RAB27B: variants seen among roughly 807,000 people sequenced by gnomAD.
The protein encoded by RAB27B is ras-related protein Rab-27B.
A neutral mutation model predicts 24.6 loss-of-function variants in RAB27B; 15 were observed. The observed-to-expected ratio is 0.61, with a 90% CI of 0.41 to 0.94. The LOEUF is 0.94. Ranked by LOEUF, RAB27B falls within the 40% of genes least tolerant of loss-of-function variation. RAB27B has a pLI of 0.00. For missense variants in RAB27B, 261 were observed against 266.8 expected (o/e 0.98, Z 0.15); for synonymous variants, 105 against 92.5 (o/e 1.14, Z -0.78).
At chr18:54,801,749 G>T (rs1164398744) in intron 2 of RAB27B, among the ~76,000 whole-genome samples, 1 of 152,198 alleles carries the variant, frequency 6.6e-6, no homozygotes, top group East Asian at 1.9e-4. Context: ...GCCACAGGAG[G>T]AGGACAGTGG....
chr18:54,744,400 A>G (rs943774783), intron 2 of RAB27B, among the ~76,000 whole-genome samples: 3 of 152,226 alleles, frequency 2.0e-5, no homozygotes, highest in Admixed American at 6.5e-5. Context: ...ATAGGTGACT[A>G]TATCTCATCA....
intron 2 of RAB27B, among the ~76,000 whole-genome samples, chr18:54,807,450 A>C (rs1391187794): frequency 6.6e-6 from 1 of 152,202 alleles, no homozygotes; most frequent in East Asian, 1.9e-4. Flanking sequence ...TCTTGTTTTA[A>C]GGACATAATC....
intron 1 of RAB27B, among the ~76,000 whole-genome samples, chr18:54,841,101 A>G (rs1049771106): frequency 7.3e-6 from 1 of 137,380 alleles, no homozygotes; most frequent in South Asian, 2.5e-4. Flanking sequence ...AGCTGAGATC[A>G]CATCATTGCA....
chr18:54,849,074 G>A (rs557539776), intron 1 of RAB27B, among the ~76,000 whole-genome samples: 119 of 152,316 alleles, frequency 7.8e-4, no homozygotes, highest in African/African-American at 2.8e-3. Flanking sequence ...ATTTTTCAAA[G>A]CATGGATTTG....
intron 2 of RAB27B, among the ~76,000 whole-genome samples, chr18:54,743,579 G>A (rs1214122905): frequency 6.6e-6 from 1 of 152,186 alleles, no homozygotes. Context: ...GCGGGAAAAA[G>A]CACCTAAGGC....
chr18:54,791,191 A>G (rs8084795), intron 2 of RAB27B, among the ~76,000 whole-genome samples: 1 of 152,124 alleles, frequency 6.6e-6, no homozygotes, highest in African/African-American at 2.4e-5. Flanking sequence ...ATAGTGATCT[A>G]GAGCATTAAA....
intron 1 of RAB27B, among the ~76,000 whole-genome samples, chr18:54,829,984 C>T (rs1342832980): frequency 6.6e-6 from 1 of 152,164 alleles, no homozygotes; most frequent in African/African-American, 2.4e-5. Flanking sequence ...TTGACTATGG[C>T]CTCTCATACA....
intron 2 of RAB27B, among the ~76,000 whole-genome samples, chr18:54,729,815 C>A (rs1339066901): frequency 6.6e-6 from 1 of 151,982 alleles, no homozygotes; most frequent in Non-Finnish European, 1.5e-5. Context: ...AAATAATCCA[C>A]TTATGTGCTT....
At chr18:54,802,065 C>G (rs1271398472) in intron 2 of RAB27B, among the ~76,000 whole-genome samples, 2 of 152,154 alleles carry the variant, frequency 1.3e-5, no homozygotes, top group Non-Finnish European at 1.5e-5. Context: ...ATGGGATTAT[C>G]TAAGCTACAA....
chr18:54,743,360 G>C lies in RAB27B; in HGVS notation c.-20+25219G>C, dbSNP rs183212892. Among the ~76,000 whole-genome samples, 5 of 152,316 alleles carry C rather than the reference G, an allele frequency of 3.3e-5. 1 individual carries two copies. Among genetic ancestry groups the C allele is most frequent in the Admixed American group, 3.3e-4 (5 of 15,292 alleles). ...GATCCTCTTCTAGGGGCTGATAATA[G>C]AGTTCCTGTTATCTTGGAGCTCCAG... On this transcript the variant is annotated intron_variant, in intron 2 of 4. Transcript: ENST00000586570.
At position 54,892,645 on chromosome 18, in the gene RAB27B, G is replaced by T. The variant is rs1217323254; in HGVS notation, c.*3232G>T. 1 of 152,050 alleles carries T rather than the reference G, an allele frequency of 6.6e-6. No homozygotes were observed. The highest frequency in any genetic ancestry group is 1.5e-5 in the Non-Finnish European group (1 of 67,962). The allele number at this position is 152,050 out of a possible 1,614,324, so 9.4% of individuals were successfully genotyped here. ...AGGATTGGCAGAGAAAATACTAAAC[G>T]CCAAGAGTTGAGCCTGTGGGTCTCT... On this transcript the variant is annotated 3_prime_UTR_variant, in exon 6 of 6. Coordinates refer to ENST00000262094, the MANE Select transcript of RAB27B (RefSeq NM_004163.4).
intron 2 of RAB27B, among the ~76,000 whole-genome samples, chr18:54,878,310 G>GA (rs1164428034): frequency 2.6e-5 from 4 of 152,150 alleles, no homozygotes; most frequent in Non-Finnish European, 5.9e-5. Context: ...TCCTATGCTA[G>GA]ACGCTATTGA....
At position 54,887,866 on chromosome 18, in the gene RAB27B, T is replaced by A. The variant is rs996294383; in HGVS notation, c.344-129T>A. On this transcript the variant is annotated intron_variant, in intron 4 of 5. Coordinates refer to ENST00000262094, the MANE Select transcript of RAB27B (RefSeq NM_004163.4). ...ATTGTGACTGGGAAGAGGAAGTAAC[T>A]TGGCCAATATAACTAGTAAGCAACC... The A allele has an allele frequency of 5.8e-6, 6 of 1,039,978 alleles. No individual in the cohort carries two copies. In the African/African-American group the frequency reaches 9.6e-5, roughly 17 times the overall value. The allele number at this position is 1,039,978 out of a possible 1,614,324, so 64.4% of individuals were successfully genotyped here. A position where few individuals can be genotyped will look rare whatever the true frequency, so the allele number is the denominator to read the frequency against.
At chr18:54,758,635 TAA>T (rs58044123) in intron 2 of RAB27B, among the ~76,000 whole-genome samples, 18 of 141,702 alleles carry the variant, frequency 1.3e-4, no homozygotes, top group African/African-American at 4.4e-4. Context: ...CAAAAACAAT[TAA>T]AAAAAAAAAA....
intron 1 of RAB27B, among the ~76,000 whole-genome samples, chr18:54,848,328 A>AATT (rs1911420249): frequency 6.6e-6 from 1 of 152,234 alleles, no homozygotes; most frequent in Admixed American, 6.5e-5. Context: ...CATTATCAGC[A>AATT]ATTTTTGCAC....
intron 2 of RAB27B, among the ~76,000 whole-genome samples, chr18:54,777,080 A>G (rs1250723120): frequency 6.6e-6 from 1 of 152,202 alleles, no homozygotes; most frequent in African/African-American, 2.4e-5. Flanking sequence ...TCTGACCACA[A>G]TAACATAGAT....
rs1913412295 is a variant in RAB27B at position 54,892,615 on chromosome 18, A to G, written c.*3202A>G. The G allele has an allele frequency of 6.6e-6, 1 of 152,108 alleles. No homozygotes were observed. The highest frequency in any genetic ancestry group is 2.4e-5 in the African/African-American group (1 of 41,460). The allele number at this position is 152,108 out of a possible 1,614,324, so 9.4% of individuals were successfully genotyped here. On this transcript the variant is annotated 3_prime_UTR_variant, in exon 6 of 6. Transcript: ENST00000262094. ...TTGTCTTGGTCTGATAATGATAAGA[A>G]GTCAAGGATTGGCAGAGAAAATACT...
At chr18:54,803,138 TA>T (rs1196411542) in intron 2 of RAB27B, among the ~76,000 whole-genome samples, 1 of 152,076 alleles carries the variant, frequency 6.6e-6, no homozygotes, top group Non-Finnish European at 1.5e-5. Flanking sequence ...AAAAAATAAA[TA>T]GCATAGTTTC....
chr18:54,845,484 A>T (rs565668737), intron 1 of RAB27B, among the ~76,000 whole-genome samples: 10 of 152,020 alleles, frequency 6.6e-5, no homozygotes, highest in Non-Finnish European at 1.0e-4. Context: ...GCAATAATGA[A>T]TATAATAAAA....
Sources: gnomAD v4.1 joint callset for allele counts (sites outside exome capture counted in the v4.1 genomes callset) on GRCh38, gnomAD v4.1.1 for gene constraint, MANE v1.5 for transcripts, NCBI Gene and HGNC (gene_info 2026-07-23, HGNC 2026-07-21) for gene names.